The following LRRC9 variants were observed in gnomAD, a reference collection of about 807,000 sequenced individuals.
LRRC9 encodes leucine-rich repeat-containing protein 9.
LRRC9 carries 122 observed loss-of-function variants against 63.2 expected under a neutral mutation model. The ratio of observed to expected loss-of-function variants is 1.93; its 90% CI spans 1.67 to 2.24. The LOEUF (loss-of-function observed/expected upper bound fraction) is 2.24. Ranked by LOEUF, LRRC9 falls within the 30% of genes most tolerant of loss-of-function variation. LRRC9 has a pLI of 0.00. For missense variants in LRRC9, 1,071 were observed against 627.7 expected (o/e 1.71, Z -7.55); for synonymous variants, 366 against 213.1 (o/e 1.72, Z -6.25).
At chr14:60,056,883 A>C (rs1269933646) in intron 30 of LRRC9, among the ~76,000 whole-genome samples, 1 of 152,158 alleles carries the variant, frequency 6.6e-6, no homozygotes, top group Non-Finnish European at 1.5e-5. Flanking sequence ...TTTTAACAGC[A>C]AATAAGGAGG....
At chr14:59,929,168 A>G (rs1466819031) in intron 3 of LRRC9, among the ~76,000 whole-genome samples, 2 of 152,052 alleles carry the variant, frequency 1.3e-5, no homozygotes, top group East Asian at 3.9e-4. Context: ...TTTGCAAACT[A>G]TGCTCTGACA....
At chr14:60,016,135 C>T (rs2140268620) in intron 23 of LRRC9, among the ~76,000 whole-genome samples, 1 of 152,186 alleles carries the variant, frequency 6.6e-6, no homozygotes, top group South Asian at 2.1e-4. Flanking sequence ...TCCTCAGGTC[C>T]TGAGGTACCT....
exon 3 of LRRC9, chr14:59,928,344 T>C (rs1889386904): frequency 1.5e-6 from 1 of 685,316 alleles, no homozygotes; most frequent in African/African-American, 1.8e-5. Flanking sequence ...ATGTTTTTCT[T>C]AGGGTATCCT....
chr14:60,024,748 T>C (rs929076075), intron 27 of LRRC9, among the ~76,000 whole-genome samples: 4 of 152,056 alleles, frequency 2.6e-5, no homozygotes, highest in African/African-American at 4.8e-5. Context: ...CTAGTGGGAA[T>C]TGGGCTGCTA....
At chr14:59,952,961 A>T (rs985033948) in intron 8 of LRRC9, among the ~76,000 whole-genome samples, 1 of 152,184 alleles carries the variant, frequency 6.6e-6, no homozygotes, top group Non-Finnish European at 1.5e-5. Flanking sequence ...TTCCAGCTTC[A>T]TCCATGTCCC....
In LRRC9 at chr14:60,017,202, G is replaced by A. The variant is rs987682616; in HGVS notation, c.3317+412G>A. Among the ~76,000 whole-genome samples the A allele has an allele frequency of 5.9e-5, 9 of 151,934 alleles. No individual in the cohort carries two copies. The highest frequency in any genetic ancestry group is 1.7e-4 in the African/African-American group (7 of 41,394). ...CCAGCCTAAAATTAAAAATTCCTTT[G>A]TATGGCATAAAAGACTCTTTATTAT... On this transcript the variant is annotated intron_variant, in intron 24 of 31. Transcript: ENST00000445360. The surrounding 1 kb of genome is among the most constrained non-coding windows in gnomAD (Gnocchi z 4.0).
chr14:60,030,999 G>C (rs961676969), intron 28 of LRRC9, among the ~76,000 whole-genome samples: 1 of 152,028 alleles, frequency 6.6e-6, no homozygotes, highest in Non-Finnish European at 1.5e-5. Context: ...CAGACATTTT[G>C]ATTAGGAATA....
At chr14:59,970,716 C>T (rs1021521935) in intron 12 of LRRC9, among the ~76,000 whole-genome samples, 3 of 151,980 alleles carry the variant, frequency 2.0e-5, no homozygotes, top group African/African-American at 7.2e-5. Flanking sequence ...GCTTATTGGC[C>T]ACATGTATGT....
intron 23 of LRRC9, among the ~76,000 whole-genome samples, chr14:60,010,527 GC>G (rs1890181700): frequency 6.6e-6 from 1 of 152,128 alleles, no homozygotes; most frequent in Admixed American, 6.5e-5. Context: ...TCTCTGACAT[GC>G]CCTGGAGACG....
At position 60,053,412 on chromosome 14, in the gene LRRC9, C is replaced by A. The variant is rs1894041144; in HGVS notation, c.4131+207C>A. On this transcript the variant is annotated intron_variant, in intron 30 of 31. Transcript: ENST00000445360. The surrounding 1 kb of genome is among the most constrained non-coding windows in gnomAD (Gnocchi z 4.8). ...ACACACACACACACACACACACACA[C>A]ACACACACATATATATGTAAGTCAG... Among the ~76,000 whole-genome samples the A allele has an allele frequency of 8.3e-6, 1 of 120,154 alleles. No homozygotes were observed. Among genetic ancestry groups the A allele is most frequent in the Non-Finnish European group, 1.9e-5 (1 of 52,736 alleles). The allele number at this position is 120,154 out of a possible 152,430, so 78.8% of individuals were successfully genotyped here.
chr14:60,063,380 A>G (rs771722225), exon 32 of LRRC9: 2 of 701,818 alleles, frequency 2.8e-6, no homozygotes, highest in Non-Finnish European at 5.2e-6. Flanking sequence ...AAGAGAAATG[A>G]GCATACACCA....
chr14:59,982,051 T>C (rs1242459263), exon 16 of LRRC9: 1 of 699,662 alleles, frequency 1.4e-6, no homozygotes, highest in Admixed American at 2.0e-5. Flanking sequence ...GCGTTTACAG[T>C]CATATTGTGG....
chr14:60,040,023 C>T (rs1362183811), intron 29 of LRRC9, among the ~76,000 whole-genome samples: 1 of 151,786 alleles, frequency 6.6e-6, no homozygotes, highest in African/African-American at 2.4e-5. Context: ...TGTTATGTAC[C>T]CAGTAGTCAT....
intron 29 of LRRC9, among the ~76,000 whole-genome samples, chr14:60,033,415 T>G (rs942123680): frequency 1.3e-5 from 2 of 152,162 alleles, no homozygotes; most frequent in Non-Finnish European, 2.9e-5. Flanking sequence ...CTACTTAATA[T>G]GATGTTTTCA....
chr14:60,026,839 T>C (rs1397368057), intron 27 of LRRC9, among the ~76,000 whole-genome samples: 2 of 152,106 alleles, frequency 1.3e-5, no homozygotes, highest in African/African-American at 2.4e-5. Flanking sequence ...GAGTTCTCTA[T>C]TCTGTTCCCT....
At position 59,942,033 on chromosome 14, in the gene LRRC9, A is replaced by C. The variant is rs979854949; in HGVS notation, c.727-2556A>C. 6.6e-6 allele frequency among the ~76,000 whole-genome samples: 1 copy of C among 152,188 alleles called. No individual in the cohort carries two copies. Among genetic ancestry groups the C allele is most frequent in the African/African-American group, 2.4e-5 (1 of 41,452 alleles). On this transcript the variant is annotated intron_variant, in intron 7 of 31. Transcript: ENST00000445360. This position sits in a 1 kb window ranked among gnomAD's most constrained non-coding sequence, Gnocchi z 5.3. ...TTCCATGAGCTCAAAAAATGTTTTTAGTTCTCATACGTGAGTGATAACATG... is the reference window on the plus strand; with the variant it reads ...TTCCATGAGCTCAAAAAATGTTTTTCGTTCTCATACGTGAGTGATAACATG...
intron 29 of LRRC9, among the ~76,000 whole-genome samples, chr14:60,047,642 C>T (rs1893546190): frequency 6.6e-6 from 1 of 152,130 alleles, no homozygotes; most frequent in Non-Finnish European, 1.5e-5. Context: ...CACCCAGATT[C>T]ATAGCAGTTC....
intron 10 of LRRC9, among the ~76,000 whole-genome samples, chr14:59,963,868 A>T (rs1407762739): frequency 6.6e-6 from 1 of 152,188 alleles, no homozygotes; most frequent in Non-Finnish European, 1.5e-5. Context: ...TTTATATAGG[A>T]TTATAAAGTA....
chr14:59,941,377 A>T (rs1345781919), intron 7 of LRRC9, among the ~76,000 whole-genome samples: 1 of 151,772 alleles, frequency 6.6e-6, no homozygotes, highest in East Asian at 1.9e-4. Context: ...AAATTAAAAT[A>T]AAACTAGTAT....
Sources: allele counts gnomAD v4.1 joint callset (sites outside exome capture counted in the v4.1 genomes callset), GRCh38; gene constraint gnomAD v4.1.1; non-coding constraint Gnocchi (gnomAD v3.1); transcripts MANE v1.5; gene names NCBI Gene and HGNC (gene_info 2026-07-23, HGNC 2026-07-21).